Variants in NRXN3 observed in about 807,000 individuals in gnomAD.
The protein encoded by NRXN3 is neurexin III.
NRXN3 carries 32 observed loss-of-function variants against 137.6 expected under a neutral mutation model. That is an observed-to-expected ratio of 0.23 (90% CI 0.18 to 0.31). The LOEUF (loss-of-function observed/expected upper bound fraction) is 0.31. Among genes scored for constraint, NRXN3 ranks in the 10% least tolerant of loss-of-function variants. The pLI, the probability that NRXN3 is intolerant of heterozygous loss-of-function variation, is 1.00. For missense variants in NRXN3, 1,574 were observed against 2,062.5 expected, an observed-to-expected ratio of 0.76 and a Z score of 4.59; for synonymous variants, 798 against 784.5, an observed-to-expected ratio of 1.02 and a Z score of -0.29.
chr14:78,812,402 G>T (rs1477080333), intron 10 of NRXN3, among the ~76,000 whole-genome samples: 1 of 152,160 alleles, frequency 6.6e-6, no homozygotes, highest in East Asian at 1.9e-4. Flanking sequence ...CAGCATGAAG[G>T]TGGAAAGCCT....
intron 20 of NRXN3, among the ~76,000 whole-genome samples, chr14:79,827,591 G>A (rs892741036): frequency 6.6e-6 from 1 of 152,076 alleles, no homozygotes; most frequent in Non-Finnish European, 1.5e-5. Context: ...GCTAGCATCT[G>A]GGGAGCCTCG....
intron 8 of NRXN3, among the ~76,000 whole-genome samples, chr14:78,785,309 A>T (rs1387065379): frequency 6.6e-6 from 1 of 152,194 alleles, no homozygotes; most frequent in Middle Eastern, 3.2e-3. Flanking sequence ...GAACAGTGTC[A>T]CTGAGTCATA....
At chr14:78,609,353 T>C (rs1053025256) in intron 4 of NRXN3, among the ~76,000 whole-genome samples, 1 of 152,180 alleles carries the variant, frequency 6.6e-6, no homozygotes, top group Non-Finnish European at 1.5e-5. Flanking sequence ...GCCAGGATTC[T>C]AATGAAAGAT....
intron 15 of NRXN3, among the ~76,000 whole-genome samples, chr14:79,057,787 G>C (rs921055296): frequency 4.6e-5 from 7 of 152,174 alleles, no homozygotes; most frequent in Admixed American, 4.6e-4. Flanking sequence ...TCAGTGAGTG[G>C]AGTGATTGCC....
At chr14:78,963,974 G>T (rs1411721332) in intron 11 of NRXN3, among the ~76,000 whole-genome samples, 1 of 151,600 alleles carries the variant, frequency 6.6e-6, no homozygotes, top group Non-Finnish European at 1.5e-5. Flanking sequence ...TTGCTATATT[G>T]CCCAGGCTGG....
chr14:79,842,722 C>T (rs1319251428), intron 20 of NRXN3, among the ~76,000 whole-genome samples: 3 of 152,134 alleles, frequency 2.0e-5, no homozygotes, highest in Non-Finnish European at 4.4e-5. Flanking sequence ...TATCATCTCA[C>T]ATAGTTATAC....
chr14:79,514,919 G>A (rs10483923), intron 16 of NRXN3, among the ~76,000 whole-genome samples: 55,161 of 147,102 alleles, frequency 0.37, 14,302 homozygotes, highest in African/African-American at 0.73. Context: ...CTAGGGTGCA[G>A]TAAGTTAAGT....
intron 4 of NRXN3, among the ~76,000 whole-genome samples, chr14:78,473,427 C>A (rs951855849): frequency 1.3e-5 from 2 of 151,300 alleles, no homozygotes; most frequent in African/African-American, 2.4e-5. Context: ...AATGAAAAAC[C>A]TTTCTTTTGT....
chr14:79,647,162 G>A (rs569399092), intron 16 of NRXN3, among the ~76,000 whole-genome samples: 1 of 136,184 alleles, frequency 7.3e-6, no homozygotes, highest in African/African-American at 2.4e-5. Context: ...ACATGGTAGA[G>A]TGGCAATTTT....
At position 78,810,875 on chromosome 14, in the gene NRXN3, T is replaced by C. The variant is rs114520586; in HGVS notation, c.2275+531T>C. 9.9e-3 allele frequency among the ~76,000 whole-genome samples: 1,512 copies of C among 152,290 alleles called. 19 individuals carry two copies. Among genetic ancestry groups the C allele is most frequent in the African/African-American group, 0.035 (1,444 of 41,550 alleles). On this transcript the variant is annotated intron_variant, in intron 10 of 20. Coordinates refer to ENST00000335750, the MANE Select transcript of NRXN3 (RefSeq NM_001330195.2). Reference sequence around the variant, plus strand: ...TAAGGCAACACTTTAACCAAAGACTTGAGACACACTCTGTCTCTGCAAAAG... The same window carrying C: ...TAAGGCAACACTTTAACCAAAGACTCGAGACACACTCTGTCTCTGCAAAAG...
In NRXN3 at chr14:79,365,890, T is replaced by C. The variant is rs139808779; in HGVS notation, c.3263-101331T>C. Among the ~76,000 whole-genome samples the C allele has an allele frequency of 2.1e-3, 317 of 152,248 alleles. 7 individuals carry two copies. In the East Asian group the frequency reaches 0.03, roughly 14 times the overall value. On this transcript the variant is annotated intron_variant, in intron 15 of 20. Coordinates refer to ENST00000335750, the MANE Select transcript of NRXN3 (RefSeq NM_001330195.2). ...TAATGTATGTTAAAATTGATATTTC[T>C]GTGAAAGAGGTTAAGATCAGACCGC...
intron 4 of NRXN3, among the ~76,000 whole-genome samples, chr14:78,460,986 G>T (rs2094905967): frequency 6.6e-6 from 1 of 152,094 alleles, no homozygotes; most frequent in Non-Finnish European, 1.5e-5. Flanking sequence ...AGGCCTGTTG[G>T]CATATGTCTA....
chr14:79,632,470 T>C (rs2098363759), intron 16 of NRXN3: 1 of 152,148 alleles, frequency 6.6e-6, no homozygotes, highest in African/African-American at 2.4e-5. Context: ...AGCAGAAGGC[T>C]CTAACGTGGA....
chr14:79,606,730 A>C (rs1437426721), intron 16 of NRXN3, among the ~76,000 whole-genome samples: 1 of 152,228 alleles, frequency 6.6e-6, no homozygotes, highest in Non-Finnish European at 1.5e-5. Flanking sequence ...TCTGATTATT[A>C]AGGATGTCAA....
intron 15 of NRXN3, among the ~76,000 whole-genome samples, chr14:79,327,107 A>G (rs1044568305): frequency 5.3e-5 from 8 of 151,944 alleles, no homozygotes; most frequent in African/African-American, 1.9e-4. Flanking sequence ...CTTTCACACC[A>G]TGTGCCCCAG....
chr14:79,769,404 A>T (rs538088252), intron 19 of NRXN3, among the ~76,000 whole-genome samples: 1 of 152,276 alleles, frequency 6.6e-6, no homozygotes, highest in South Asian at 2.1e-4. Context: ...AGGGAAGCCC[A>T]TCAGACTAAC....
intron 4 of NRXN3, among the ~76,000 whole-genome samples, chr14:78,439,436 G>A (rs891669970): frequency 4.6e-5 from 7 of 152,164 alleles, no homozygotes; most frequent in East Asian, 3.9e-4. Context: ...ATTGTTTAGC[G>A]CTCTTTGGGA....
intron 8 of NRXN3, among the ~76,000 whole-genome samples, chr14:78,723,359 A>G (rs915551036): frequency 6.6e-6 from 1 of 152,246 alleles, no homozygotes; most frequent in Non-Finnish European, 1.5e-5. Flanking sequence ...GGCAATGTCA[A>G]TAGGACTTAG....
intron 7 of NRXN3, among the ~76,000 whole-genome samples, chr14:78,711,825 A>G (rs77140235): frequency 0.019 from 2,942 of 152,290 alleles, 77 homozygotes; most frequent in African/African-American, 0.067. Flanking sequence ...CCATGAAAGC[A>G]GTATAATCTA....
Sources: gnomAD v4.1 joint callset for allele counts (sites outside exome capture counted in the v4.1 genomes callset) on GRCh38, gnomAD v4.1.1 for gene constraint, MANE v1.5 for transcripts, NCBI Gene and HGNC (gene_info 2026-07-23, HGNC 2026-07-21) for gene names.